The following PLPPR5 variants were observed in gnomAD, a reference collection of about 807,000 sequenced individuals.
PLPPR5 encodes the protein phospholipid phosphatase related 5.
A neutral mutation model predicts 33.9 loss-of-function variants in PLPPR5; 16 were observed. That is an observed-to-expected ratio of 0.47 (90% confidence interval 0.32 to 0.72). PLPPR5 has a LOEUF of 0.72. Ranked by LOEUF, PLPPR5 falls within the 30% of genes least tolerant of loss-of-function variation. The pLI is 0.03. For missense variants in PLPPR5, 301 were observed against 406.7 expected (o/e 0.74, Z 2.23); for synonymous variants, 163 against 150.3 (o/e 1.08, Z -0.62).
intron 1 of PLPPR5, among the ~76,000 whole-genome samples, chr1:98,979,148 G>A (rs1002500040): frequency 6.6e-6 from 1 of 152,148 alleles, no homozygotes; most frequent in East Asian, 1.9e-4. Context: ...TGAAAGTTTA[G>A]CTTCTCATTT....
chr1:98,944,716 G>T (rs1267068541), intron 3 of PLPPR5, among the ~76,000 whole-genome samples: 1 of 152,226 alleles, frequency 6.6e-6, no homozygotes, highest in African/African-American at 2.4e-5. Context: ...AGAACCTGAA[G>T]CAAGAAAGGG....
At chr1:98,933,000 C>A (rs978653280) in intron 3 of PLPPR5, among the ~76,000 whole-genome samples, 6 of 152,256 alleles carry the variant, frequency 3.9e-5, no homozygotes, top group African/African-American at 1.2e-4. Context: ...CTATGTACCG[C>A]CCATTGATAC....
intron 1 of PLPPR5, chr1:98,991,323 A>C (rs1652443817): frequency 6.6e-6 from 1 of 152,052 alleles, no homozygotes; most frequent in Admixed American, 6.6e-5. Context: ...AAACAAATTG[A>C]CCACAAGGTG....
chr1:98,964,593 C>T (rs1651365588), intron 1 of PLPPR5, among the ~76,000 whole-genome samples: 1 of 152,178 alleles, frequency 6.6e-6, no homozygotes, highest in African/African-American at 2.4e-5. Context: ...TGCCTTCCAG[C>T]TCCCCTCATC....
intron 5 of PLPPR5, among the ~76,000 whole-genome samples, chr1:98,894,542 C>T (rs1169569498): frequency 6.6e-6 from 1 of 151,932 alleles, no homozygotes; most frequent in Non-Finnish European, 1.5e-5. Context: ...GGATCTAGAA[C>T]AACATAATTT....
At chr1:98,912,848 A>G (rs999671100) in intron 5 of PLPPR5, among the ~76,000 whole-genome samples, 3 of 152,162 alleles carry the variant, frequency 2.0e-5, no homozygotes, top group Admixed American at 6.6e-5. Flanking sequence ...CTTGACACAT[A>G]CTGATGATCA....
chr1:98,971,717 C>T (rs1001150216), intron 1 of PLPPR5, among the ~76,000 whole-genome samples: 2 of 152,020 alleles, frequency 1.3e-5, no homozygotes, highest in African/African-American at 2.4e-5. Context: ...CATAAAATGC[C>T]AGCTGCAAGC....
intron 4 of PLPPR5, among the ~76,000 whole-genome samples, chr1:98,920,737 T>C (rs1571500): frequency 0.1 from 15,656 of 152,182 alleles, 1,081 homozygotes; most frequent in South Asian, 0.22. Context: ...ACTGAAGTGT[T>C]TGCTTACTGA....
At chr1:99,000,525 A>G (rs2100768776) in intron 1 of PLPPR5, among the ~76,000 whole-genome samples, 1 of 152,164 alleles carries the variant, frequency 6.6e-6, no homozygotes, top group South Asian at 2.1e-4. Flanking sequence ...AAACAAACCA[A>G]CTGCTGTTTC....
In PLPPR5 at chr1:98,957,843, C is replaced by T. The variant is rs191933644; in HGVS notation, c.238-1102G>A. Among the ~76,000 whole-genome samples the T allele has an allele frequency of 2.0e-5, 3 of 152,288 alleles. No homozygotes were observed. In the East Asian group the frequency reaches 5.8e-4, roughly 29 times the overall value. On this transcript the variant is annotated intron_variant, in intron 1 of 5. Transcript: ENST00000263177. ...CAAGAACAAGGTTCTGTTACAGATGCTTTGCTCTACTCTGTTGACTTATTA... is the reference window on the plus strand; with the variant it reads ...CAAGAACAAGGTTCTGTTACAGATGTTTTGCTCTACTCTGTTGACTTATTA...
intron 1 of PLPPR5, chr1:98,991,007 T>C (rs1652431671): frequency 6.6e-6 from 1 of 152,188 alleles, no homozygotes; most frequent in African/African-American, 2.4e-5. Context: ...ATTTATAATC[T>C]TTTGACAGCC....
At chr1:98,999,776 C>A (rs1216013006) in intron 1 of PLPPR5, among the ~76,000 whole-genome samples, 1 of 152,112 alleles carries the variant, frequency 6.6e-6, no homozygotes, top group Admixed American at 6.6e-5. Flanking sequence ...ACGCCAGCAC[C>A]CTTGGGATAG....
chr1:98,994,978 G>A lies in PLPPR5; in HGVS notation c.237+9457C>T, dbSNP rs34051040. Among the ~76,000 whole-genome samples, 343 of 152,100 alleles carry A rather than the reference G, an allele frequency of 2.3e-3. 1 individual carries two copies. Among genetic ancestry groups the A allele is most frequent in the Non-Finnish European group, 3.8e-3 (257 of 67,986 alleles). On this transcript the variant is annotated intron_variant, in intron 1 of 5. Transcript: ENST00000263177. ...ATACCATCTCACATCAGTCAGAATG[G>A]CTATTATTAAAAAGTCAAAAAATAA...
intron 1 of PLPPR5, among the ~76,000 whole-genome samples, chr1:98,958,427 A>G (rs1651100973): frequency 6.6e-6 from 1 of 151,880 alleles, no homozygotes; most frequent in South Asian, 2.1e-4. Context: ...TTTTCAAGTA[A>G]GCCAGGGTTC....
At chr1:98,982,137 C>T (rs547537602) in intron 1 of PLPPR5, among the ~76,000 whole-genome samples, 1 of 152,172 alleles carries the variant, frequency 6.6e-6, no homozygotes, top group South Asian at 2.1e-4. Context: ...TGACTCATCT[C>T]ATTTAGAAAC....
intron 3 of PLPPR5, among the ~76,000 whole-genome samples, chr1:98,929,012 A>C (rs1649867617): frequency 6.6e-6 from 1 of 152,090 alleles, no homozygotes; most frequent in African/African-American, 2.4e-5. Context: ...TTTTATTGAT[A>C]CCTTTAGAGA....
intron 5 of PLPPR5, among the ~76,000 whole-genome samples, chr1:98,904,980 C>T (rs532647287): frequency 2.6e-5 from 4 of 152,142 alleles, no homozygotes; most frequent in Non-Finnish European, 5.9e-5. Context: ...GACATCTCAT[C>T]AGTCAAAATG....
intron 3 of PLPPR5, among the ~76,000 whole-genome samples, chr1:98,951,654 C>A (rs1401881610): frequency 6.6e-6 from 1 of 152,146 alleles, no homozygotes; most frequent in Non-Finnish European, 1.5e-5. Context: ...GTAAATGTTA[C>A]GTGTAATGCT....
intron 3 of PLPPR5, among the ~76,000 whole-genome samples, chr1:98,950,160 C>T (rs1650725674): frequency 6.7e-6 from 1 of 149,922 alleles, no homozygotes; most frequent in African/African-American, 2.5e-5. Flanking sequence ...TTCTATGGAT[C>T]TGAGAAAGTT....
Sources: gnomAD v4.1 joint callset for allele counts (sites outside exome capture counted in the v4.1 genomes callset) on GRCh38, gnomAD v4.1.1 for gene constraint, MANE v1.5 for transcripts, NCBI Gene and HGNC (gene_info 2026-07-23, HGNC 2026-07-21) for gene names.